The following RSU1 variants were observed in gnomAD, a reference collection of about 807,000 sequenced individuals.
The protein encoded by RSU1 is Ras suppressor protein 1.
Under a neutral mutation model 31.1 loss-of-function variants are expected in RSU1, and 26 were observed. The ratio of observed to expected loss-of-function variants is 0.84; its 90% CI spans 0.61 to 1.16. The LOEUF (loss-of-function observed/expected upper bound fraction) is 1.16. Among genes scored for constraint, RSU1 ranks in the 50% most tolerant of loss-of-function variants. The pLI is 0.00. For synonymous variants in RSU1, 164 were observed against 136.3 expected (o/e 1.20, Z -1.41); for missense variants, 320 against 339.1 (o/e 0.94, Z 0.44).
At chr10:16,718,287 A>G (rs936271722) in intron 7 of RSU1, among the ~76,000 whole-genome samples, 7 of 152,310 alleles carry the variant, frequency 4.6e-5, no homozygotes, top group Middle Eastern at 3.4e-3. Context: ...TAGCATTAAT[A>G]TAATAAAAAT....
chr10:16,707,387 C>A (rs1005453151), intron 7 of RSU1, among the ~76,000 whole-genome samples: 3 of 152,018 alleles, frequency 2.0e-5, no homozygotes, highest in African/African-American at 4.8e-5. Flanking sequence ...CCTTGCCAAC[C>A]CTTATTTTCT....
rs79114233 is a variant in RSU1 at position 16,612,509 on chromosome 10, T to G, written c.732-19013A>C. ...AAAACATGAATAAGGGGACTGAGTA[T>G]ATCTTCAGTCCTCTGCAGCTCTCCC... On this transcript the variant is annotated intron_variant, in intron 8 of 8. Transcript: ENST00000345264. Among the ~76,000 whole-genome samples, 583 of 152,328 alleles carry G rather than the reference T, an allele frequency of 3.8e-3. 4 individuals carry two copies. Among genetic ancestry groups the G allele is most frequent in the African/African-American group, 0.013 (552 of 41,568 alleles).
chr10:16,718,088 CA>C (rs1836179109), intron 7 of RSU1, among the ~76,000 whole-genome samples: 1 of 107,432 alleles, frequency 9.3e-6, no homozygotes, highest in Non-Finnish European at 1.8e-5. Flanking sequence ...TTCCAAAGCT[CA>C]ATTTATTTAA....
At chr10:16,629,866 G>C (rs891085151) in intron 8 of RSU1, among the ~76,000 whole-genome samples, 3 of 152,160 alleles carry the variant, frequency 2.0e-5, no homozygotes, top group African/African-American at 7.2e-5. Flanking sequence ...TCTGCCACCA[G>C]ACAGTCCTGT....
At chr10:16,812,375 G>A (rs973861809) in intron 2 of RSU1, among the ~76,000 whole-genome samples, 1 of 152,194 alleles carries the variant, frequency 6.6e-6, no homozygotes, top group African/African-American at 2.4e-5. Flanking sequence ...CCAAGAGGTG[G>A]AGGCTGCAGT....
rs933912189 is a variant in RSU1, at chr10:16,591,925, CTGGGGAAGCCACT to C, written c.*1456_*1468del. On this transcript the variant is annotated 3_prime_UTR_variant, in exon 9 of 9. Transcript: ENST00000345264. ...TCTATCCCTAAACAGGGGATGGGAC[CTGGGGAAGCCACT>C]TCCCACATTTAAATGTTCTATCAGG... 2 of 152,166 alleles carry C rather than the reference CTGGGGAAGCCACT, an allele frequency of 1.3e-5. No homozygotes were observed. The highest frequency in any genetic ancestry group is 4.8e-5 in the African/African-American group (2 of 41,418). 9.4% of individuals were successfully genotyped at this position (152,166 alleles called of 1,614,324 possible).
chr10:16,715,613 C>T (rs187401810), intron 7 of RSU1, among the ~76,000 whole-genome samples: 167 of 152,284 alleles, frequency 1.1e-3, no homozygotes, highest in Non-Finnish European at 2.1e-3. Flanking sequence ...ATCACTTGAC[C>T]ATTTAGGCAA....
chr10:16,735,162 G>A (rs563667254), intron 7 of RSU1, among the ~76,000 whole-genome samples: 10 of 152,256 alleles, frequency 6.6e-5, no homozygotes, highest in Admixed American at 3.9e-4. Flanking sequence ...AGTTGGTCTC[G>A]GCTATAATAG....
chr10:16,655,791 G>A (rs187716343), intron 8 of RSU1, among the ~76,000 whole-genome samples: 1 of 152,160 alleles, frequency 6.6e-6, no homozygotes, highest in Admixed American at 6.5e-5. Flanking sequence ...TTTAAATTGA[G>A]GTATGTCCAC....
At chr10:16,722,484 T>C (rs6602151) in intron 7 of RSU1, among the ~76,000 whole-genome samples, 113,283 of 151,994 alleles carry the variant, frequency 0.75, 42,619 homozygotes, top group East Asian at 0.89. Flanking sequence ...CAACCTCAGG[T>C]CTGTTACAAT....
At chr10:16,601,681 T>C in intron 8 of RSU1, among the ~76,000 whole-genome samples, 1 of 152,206 alleles carries the variant, frequency 6.6e-6, no homozygotes, top group East Asian at 1.9e-4. Context: ...GTACCTAGCC[T>C]GGCACCTGGC....
chr10:16,634,153 T>C (rs1026341925), intron 8 of RSU1, among the ~76,000 whole-genome samples: 1 of 152,176 alleles, frequency 6.6e-6, no homozygotes, highest in African/African-American at 2.4e-5. Context: ...CAGAGAAAGA[T>C]TTATAGCAAG....
intron 2 of RSU1, among the ~76,000 whole-genome samples, chr10:16,792,713 C>T (rs1588539169): frequency 6.6e-6 from 1 of 152,202 alleles, no homozygotes; most frequent in African/African-American, 2.4e-5. Context: ...GAGACAGCCA[C>T]GTTAATGCAA....
chr10:16,601,699 A>C lies in RSU1; in HGVS notation c.732-8203T>G, dbSNP rs999700000. Among the ~76,000 whole-genome samples, 3 of 152,214 alleles carry C rather than the reference A, an allele frequency of 2.0e-5. 1 individual carries two copies. Among genetic ancestry groups the C allele is most frequent in the South Asian group, 4.1e-4 (2 of 4,832 alleles). ...CCTAGCCTGGCACCTGGCATGGAGC[A>C]GCCACAGCGCATGTGGCTGGGGAAT... On this transcript the variant is annotated intron_variant, in intron 8 of 8. Transcript: ENST00000345264.
chr10:16,608,266 C>T (rs943208896), intron 8 of RSU1, among the ~76,000 whole-genome samples: 10 of 152,150 alleles, frequency 6.6e-5, no homozygotes, highest in Admixed American at 3.9e-4. Context: ...TCAGCACTTT[C>T]GGAGCCTGAG....
intron 8 of RSU1, among the ~76,000 whole-genome samples, chr10:16,666,518 C>T (rs1223309435): frequency 6.6e-6 from 1 of 152,230 alleles, no homozygotes; most frequent in Non-Finnish European, 1.5e-5. Flanking sequence ...TGGCTCACAC[C>T]TGTAATCCCA....
chr10:16,673,840 C>T (rs1387280188), intron 8 of RSU1, among the ~76,000 whole-genome samples: 2 of 152,202 alleles, frequency 1.3e-5, no homozygotes, highest in African/African-American at 4.8e-5. Context: ...CTTTTTCTGA[C>T]TTGCCAACGT....
At chr10:16,701,309 T>C (rs1020798801) in intron 7 of RSU1, among the ~76,000 whole-genome samples, 1 of 152,232 alleles carries the variant, frequency 6.6e-6, no homozygotes, top group Non-Finnish European at 1.5e-5. Flanking sequence ...CATTCTCTTC[T>C]GTCTGCGTAA....
At chr10:16,784,783 T>C (rs1206053567) in intron 2 of RSU1, among the ~76,000 whole-genome samples, 1 of 151,904 alleles carries the variant, frequency 6.6e-6, no homozygotes, top group Non-Finnish European at 1.5e-5. Flanking sequence ...AAGAACAGCA[T>C]GGGAAAGCCC....
Sources: allele counts gnomAD v4.1 joint callset (sites outside exome capture counted in the v4.1 genomes callset), GRCh38; gene constraint gnomAD v4.1.1; transcripts MANE v1.5; gene names NCBI Gene and HGNC (gene_info 2026-07-23, HGNC 2026-07-21).